The following NXF2 variants were observed in gnomAD, a reference collection of about 807,000 sequenced individuals.
NXF2 encodes the protein nuclear RNA export factor 2, also known as TAP-like protein 2.
intron 2 of NXF2, among the ~76,000 whole-genome samples, chrX:102,252,077 C>G (rs1933826981): frequency 9.6e-6 from 1 of 104,291 alleles, no homozygotes; most frequent in African/African-American, 3.5e-5. Flanking sequence ...ACTGCAACCT[C>G]TGCCTCCCAG....
At chrX:102,248,899 G>A (rs1402035694) in intron 2 of NXF2, among the ~76,000 whole-genome samples, 1 of 14,490 alleles carries the variant, frequency 6.9e-5, no homozygotes, top group Non-Finnish European at 1.1e-4. Flanking sequence ...TGAAGTGACC[G>A]TTGGTTCAGG....
At chrX:102,282,269 T>C (rs1933925827) in intron 2 of NXF2, among the ~76,000 whole-genome samples, 1 of 111,583 alleles carries the variant, frequency 9.0e-6, no homozygotes, top group African/African-American at 3.3e-5. Context: ...AAATGCTCCC[T>C]CTGTTGGGGG....
Position 102,252,166 on chromosome X carries a change from T to C in NXF2, c.-54+3608T>C, listed in dbSNP as rs1200967777. On this transcript the variant is annotated intron_variant, in intron 2 of 22. Coordinates refer to ENST00000625106, the MANE Select transcript of NXF2 (RefSeq NM_022053.4). ...CGCCACCTCGCCTGGCTCATTTTCG[T>C]ATTTTTAGTAGAGACGGGGTTTCAC... Among the ~76,000 whole-genome samples, 8 of 75,005 alleles carry C rather than the reference T, an allele frequency of 1.1e-4. No homozygotes were observed. In the East Asian group the frequency reaches 3.8e-3, roughly 35 times the overall value. 65.1% of individuals were successfully genotyped at this position (75,005 alleles called of 115,157 possible). A position where few individuals can be genotyped will look rare whatever the true frequency, so the allele number is the denominator to read the frequency against.
At chrX:102,282,573 G>A (rs1933930191) in intron 2 of NXF2, among the ~76,000 whole-genome samples, 1 of 88,471 alleles carries the variant, frequency 1.1e-5, no homozygotes, top group African/African-American at 4.2e-5. Context: ...TTTGTTGAGG[G>A]TTTTTGACAT....
chrX:102,248,309 G>A lies in NXF2; in HGVS notation c.-175-128G>A, dbSNP rs1198710027. 6.4e-5 allele frequency: 3 copies of A among 46,939 alleles called. No individual in the cohort carries two copies. In the Admixed American group the frequency reaches 1.1e-3, roughly 17 times the overall value. The allele number at this position is 46,939 out of a possible 1,213,427, so 3.9% of individuals were successfully genotyped here. A position where few individuals can be genotyped will look rare whatever the true frequency, so the allele number is the denominator to read the frequency against. On this transcript the variant is annotated intron_variant, in intron 1 of 22. Transcript: ENST00000625106. ...AAACTAACTACTACATTACATTGATGCACTAATTGACATTACTACATCGAT... is the reference window on the plus strand; with the variant it reads ...AAACTAACTACTACATTACATTGATACACTAATTGACATTACTACATCGAT...
At chrX:102,251,211 C>T (rs1173557125) in intron 2 of NXF2, among the ~76,000 whole-genome samples, 2 of 12,788 alleles carry the variant, frequency 1.6e-4, no homozygotes, top group Non-Finnish European at 2.4e-4. Flanking sequence ...GTGATCCTCC[C>T]GCCTTGGTCT....
At chrX:102,248,792 G>A (rs1286411704) in intron 2 of NXF2, among the ~76,000 whole-genome samples, 1 of 37,704 alleles carries the variant, frequency 2.7e-5, no homozygotes, top group Non-Finnish European at 4.3e-5. Flanking sequence ...GAGAGAGGAG[G>A]GCACCTCACG....
chrX:102,298,246 C>G (rs1366322015), intron 2 of NXF2, among the ~76,000 whole-genome samples: 3 of 866 alleles, frequency 3.5e-3, no homozygotes, highest in African/African-American at 0.013. Flanking sequence ...GTTTAAAATT[C>G]TGTTGTTTCA....
At chrX:102,282,323 G>T (rs1173523461) in intron 2 of NXF2, among the ~76,000 whole-genome samples, 4 of 114,758 alleles carry the variant, frequency 3.5e-5, no homozygotes, top group Non-Finnish European at 5.6e-5. Context: ...TGCTCTAACA[G>T]GATAGCACTG....
chrX:102,282,376 C>A (rs1345714899), intron 2 of NXF2, among the ~76,000 whole-genome samples: 1 of 114,908 alleles, frequency 8.7e-6, no homozygotes, highest in African/African-American at 3.2e-5. Context: ...TCCCCCTGCA[C>A]CCAGAGATGC....
At chrX:102,298,667 G>A (rs1185075276) in intron 2 of NXF2, among the ~76,000 whole-genome samples, 3 of 111,293 alleles carry the variant, frequency 2.7e-5, no homozygotes, top group African/African-American at 6.5e-5. Flanking sequence ...AATAAAGAGG[G>A]TGGTGGAGGA....
At chrX:102,293,524 CATATATATAT>C (rs1176337938) in intron 2 of NXF2, among the ~76,000 whole-genome samples, 1,598 of 8,585 alleles carry the variant, frequency 0.19, 171 homozygotes, top group East Asian at 0.61. Flanking sequence ...TCTTTCTTTC[CATATATATAT>C]ATATATATAT....
rs1248390444 is a variant in NXF2, at chrX:102,281,669, G to A, written c.-53-25357G>A. Reference sequence around the variant, plus strand: ...ACAAGGTGTGCAGCCTGGGGTTAGGGGACGGGTGATGCCAGCACTCCCTTG... The same window carrying A: ...ACAAGGTGTGCAGCCTGGGGTTAGGAGACGGGTGATGCCAGCACTCCCTTG... On this transcript the variant is annotated intron_variant, in intron 2 of 22. Transcript: ENST00000625106. Among the ~76,000 whole-genome samples the A allele has an allele frequency of 6.7e-5, 7 of 105,207 alleles. No individual in the cohort carries two copies. The Admixed American group carries it at 7.3e-4, about 11-fold the overall frequency. 91.4% of individuals were successfully genotyped at this position (105,207 alleles called of 115,157 possible).
At chrX:102,282,469 A>G (rs1734909992) in intron 2 of NXF2, among the ~76,000 whole-genome samples, 1 of 107,715 alleles carries the variant, frequency 9.3e-6, no homozygotes, top group African/African-American at 3.4e-5. Context: ...CTCAGGGAGA[A>G]TGCTTCCAGG....
At chrX:102,289,669 A>ATT (rs1203296757) in intron 2 of NXF2, among the ~76,000 whole-genome samples, 27,482 of 79,621 alleles carry the variant, frequency 0.35, 5,854 homozygotes, top group East Asian at 0.87. Context: ...CACCATTTCC[A>ATT]AAATAGGGAA....
intron 2 of NXF2, among the ~76,000 whole-genome samples, chrX:102,294,313 G>A (rs1283840800): frequency 2.1e-5 from 2 of 96,668 alleles, no homozygotes; most frequent in Non-Finnish European, 4.1e-5. Flanking sequence ...CAATTATTAT[G>A]TACAACTCTT....
chrX:102,294,637 A>G (rs1429176982), intron 2 of NXF2, among the ~76,000 whole-genome samples: 1 of 42,432 alleles, frequency 2.4e-5, no homozygotes, highest in Non-Finnish European at 4.8e-5. Context: ...TGGTAATCAG[A>G]TTTATCATTG....
At chrX:102,298,767 A>G (rs1556385468) in intron 2 of NXF2, among the ~76,000 whole-genome samples, 1 of 114,740 alleles carries the variant, frequency 8.7e-6, no homozygotes, top group Non-Finnish European at 1.9e-5. Flanking sequence ...TTTAATTCTC[A>G]CGCCAAATTG....
chrX:102,282,644 T>C (rs1371126376), intron 2 of NXF2, among the ~76,000 whole-genome samples: 1 of 74,402 alleles, frequency 1.3e-5, no homozygotes, highest in Non-Finnish European at 2.6e-5. Context: ...TATGTGGTTT[T>C]CGTTTTTAGT....
Sources: allele counts gnomAD v4.1 joint callset (sites outside exome capture counted in the v4.1 genomes callset), GRCh38; gene constraint gnomAD v4.1.1; transcripts MANE v1.5; gene names NCBI Gene and HGNC (gene_info 2026-07-23, HGNC 2026-07-21).